Variants in MSRA observed in about 807,000 individuals in gnomAD.
MSRA encodes the protein mitochondrial peptide methionine sulfoxide reductase.
MSRA carries 54 observed loss-of-function variants against 31.3 expected under a neutral mutation model. The observed-to-expected ratio is 1.73, with a 90% CI of 1.39 to 2.17. MSRA has a LOEUF of 2.17. MSRA is among the 30% of genes most tolerant of loss of function. MSRA has a pLI of 0.00. For synonymous variants in MSRA, 169 were observed against 116.5 expected (o/e 1.45, Z -2.90); for missense variants, 507 against 300.9 (o/e 1.69, Z -5.07).
intron 4 of MSRA, among the ~76,000 whole-genome samples, chr8:10,311,474 G>T (rs1291324241): frequency 6.6e-6 from 1 of 152,004 alleles, no homozygotes; most frequent in Non-Finnish European, 1.5e-5. Flanking sequence ...CCCACACCTG[G>T]GGGGGCGCCT....
chr8:10,095,013 G>T (rs1026024283), intron 1 of MSRA, among the ~76,000 whole-genome samples: 3 of 152,160 alleles, frequency 2.0e-5, no homozygotes. Context: ...AAATAAAGTT[G>T]CAGATCAATC....
Position 10,256,892 on chromosome 8 carries a change from C to G in MSRA, c.331+11669C>G, listed in dbSNP as rs950006828. Reference sequence around the variant, plus strand: ...ATCTCCTGCCCTCCTTCTCCTGCCCCAAATGGCTACCAAGGTGGGTCCAGA... The same window carrying G: ...ATCTCCTGCCCTCCTTCTCCTGCCCGAAATGGCTACCAAGGTGGGTCCAGA... On this transcript the variant is annotated intron_variant, in intron 3 of 5. Transcript: ENST00000317173. Among the ~76,000 whole-genome samples the G allele has an allele frequency of 3.9e-5, 6 of 152,180 alleles. No individual in the cohort carries two copies. The East Asian group carries it at 1.2e-3, about 29-fold the overall frequency.
chr8:10,055,412 C>T (rs1802294398), intron 1 of MSRA, among the ~76,000 whole-genome samples: 1 of 152,238 alleles, frequency 6.6e-6, no homozygotes, highest in South Asian at 2.1e-4. Flanking sequence ...GCAATTTCTG[C>T]TGCAGACAGC....
intron 3 of MSRA, among the ~76,000 whole-genome samples, chr8:10,275,458 T>C (rs900867508): frequency 6.6e-6 from 1 of 152,242 alleles, no homozygotes; most frequent in Admixed American, 6.5e-5. Flanking sequence ...TTTTAAAGAA[T>C]TGGAGTTGTG....
chr8:10,201,874 G>C (rs568659672), intron 1 of MSRA, among the ~76,000 whole-genome samples: 1 of 152,234 alleles, frequency 6.6e-6, no homozygotes, highest in Admixed American at 6.5e-5. Context: ...GCCATCAGCA[G>C]AGGTTGTCCT....
intron 1 of MSRA, among the ~76,000 whole-genome samples, chr8:10,149,359 G>C (rs886299394): frequency 2.6e-5 from 4 of 152,096 alleles, no homozygotes; most frequent in African/African-American, 9.7e-5. Flanking sequence ...CGCGACCTCA[G>C]GTGATCCGCC....
At chr8:10,423,579 C>A (rs1435492314) in intron 5 of MSRA, among the ~76,000 whole-genome samples, 2 of 152,158 alleles carry the variant, frequency 1.3e-5, no homozygotes, top group Non-Finnish European at 2.9e-5. Context: ...CCCCTATCTC[C>A]CCCTGCTCCT....
At chr8:10,074,339 C>T (rs1797890470) in intron 1 of MSRA, among the ~76,000 whole-genome samples, 2 of 151,920 alleles carry the variant, frequency 1.3e-5, no homozygotes, top group South Asian at 2.1e-4. Context: ...GCCTCGGCCT[C>T]CCAAAGTGCT....
At chr8:10,366,390 C>T (rs1410632848) in intron 5 of MSRA, among the ~76,000 whole-genome samples, 4 of 152,270 alleles carry the variant, frequency 2.6e-5, no homozygotes, top group African/African-American at 4.8e-5. Context: ...CTGGGCAGGG[C>T]ACTGCGTGGC....
chr8:10,308,679 C>T (rs1436138639), intron 4 of MSRA, among the ~76,000 whole-genome samples: 1 of 152,212 alleles, frequency 6.6e-6, no homozygotes, highest in African/African-American at 2.4e-5. Context: ...CAGACTATGC[C>T]CCATCCATGC....
chr8:10,133,650 T>C (rs1379061798), intron 1 of MSRA, among the ~76,000 whole-genome samples: 1 of 152,174 alleles, frequency 6.6e-6, no homozygotes, highest in Admixed American at 6.5e-5. Context: ...CACAGGGTTA[T>C]TGTTAGGCTT....
At chr8:10,325,295 T>C (rs1802297655) in intron 5 of MSRA, among the ~76,000 whole-genome samples, 1 of 152,148 alleles carries the variant, frequency 6.6e-6, no homozygotes, top group Non-Finnish European at 1.5e-5. Context: ...TGATATAATA[T>C]GTACTTTTAT....
chr8:10,381,167 C>T (rs570015936), intron 5 of MSRA, among the ~76,000 whole-genome samples: 1 of 152,304 alleles, frequency 6.6e-6, no homozygotes, highest in South Asian at 2.1e-4. Flanking sequence ...AACCTTTCCC[C>T]TCTGTGACCC....
At chr8:10,224,989 T>G (rs7003093) in intron 2 of MSRA, among the ~76,000 whole-genome samples, 2,811 of 152,114 alleles carry the variant, frequency 0.018, 89 homozygotes, top group African/African-American at 0.064. Flanking sequence ...AATACAAAAA[T>G]AAGCTGGCCG....
At chr8:10,322,495 C>G (rs1159260255) in intron 5 of MSRA, among the ~76,000 whole-genome samples, 2 of 152,026 alleles carry the variant, frequency 1.3e-5, no homozygotes, top group African/African-American at 4.8e-5. Flanking sequence ...ATTTTTTGTA[C>G]AAGTGTACAG....
chr8:10,331,336 G>A (rs568946968), intron 5 of MSRA, among the ~76,000 whole-genome samples: 54 of 152,350 alleles, frequency 3.5e-4, no homozygotes, highest in African/African-American at 1.2e-3. Flanking sequence ...TGTAGTGACC[G>A]TGACCTTGGA....
At chr8:10,286,093 G>T (rs1382375181) in intron 3 of MSRA, among the ~76,000 whole-genome samples, 3 of 152,008 alleles carry the variant, frequency 2.0e-5, no homozygotes, top group Non-Finnish European at 4.4e-5. Flanking sequence ...CAGCAGGAAT[G>T]GTGTGGCTTA....
chr8:10,222,052 G>T (rs549911291), intron 2 of MSRA, among the ~76,000 whole-genome samples: 6 of 151,914 alleles, frequency 3.9e-5, no homozygotes, highest in Non-Finnish European at 8.8e-5. Context: ...AGGAAGTCTA[G>T]AGGGTTTAAG....
intron 1 of MSRA, among the ~76,000 whole-genome samples, chr8:10,067,714 A>G (rs1433785419): frequency 6.6e-6 from 1 of 152,140 alleles, no homozygotes; most frequent in East Asian, 1.9e-4. Context: ...TAGCTATTCC[A>G]CAGACATTTA....
Sources: gnomAD v4.1 joint callset for allele counts (sites outside exome capture counted in the v4.1 genomes callset) on GRCh38, gnomAD v4.1.1 for gene constraint, MANE v1.5 for transcripts, NCBI Gene and HGNC (gene_info 2026-07-23, HGNC 2026-07-21) for gene names.